Variants in RCOR1 observed in about 807,000 individuals in gnomAD.
The protein encoded by RCOR1 is REST corepressor.
In RCOR1, 12 loss-of-function variants were observed where a neutral mutation model predicts 64.0. The observed-to-expected ratio is 0.19, with a 90% CI of 0.12 to 0.30. RCOR1 has a LOEUF of 0.30. RCOR1 is among the 10% of genes least tolerant of loss of function. The probability of loss-of-function intolerance (pLI) is 1.00; values close to 1 mark genes in which losing one functional copy is unlikely to be tolerated. For missense variants in RCOR1, 502 were observed against 621.2 expected (o/e 0.81, Z 2.04); for synonymous variants, 279 against 227.2 (o/e 1.23, Z -2.05).
chr14:102,675,390 C>T (rs1482468925), intron 2 of RCOR1, among the ~76,000 whole-genome samples: 2 of 152,092 alleles, frequency 1.3e-5, no homozygotes, highest in Admixed American at 6.6e-5. Context: ...AAGTTAGACA[C>T]ACTGAGAGAT....
chr14:102,634,099 T>A (rs1256046595), intron 2 of RCOR1, among the ~76,000 whole-genome samples: 1 of 152,080 alleles, frequency 6.6e-6, no homozygotes, highest in African/African-American at 2.4e-5. Context: ...AGGATGTGGT[T>A]AGATGGAGTA....
chr14:102,715,017 C>T (rs1446364616), intron 8 of RCOR1, among the ~76,000 whole-genome samples: 1 of 151,708 alleles, frequency 6.6e-6, no homozygotes, highest in African/African-American at 2.4e-5. Context: ...ATTCCCTCAG[C>T]AACTCCACCC....
At chr14:102,593,241 C>G in intron 1 of RCOR1, 25 bp from the exon 2 acceptor site, 1 of 1,498,190 alleles carries the variant, frequency 6.7e-7, no homozygotes, top group Non-Finnish European at 8.9e-7. Context: ...GCCGCGCTGA[C>G]CGCCGTATTC....
intron 3 of RCOR1, among the ~76,000 whole-genome samples, chr14:102,687,290 T>C (rs1895441488): frequency 6.6e-6 from 1 of 151,942 alleles, no homozygotes; most frequent in South Asian, 2.1e-4. Context: ...AGAAGTAAAG[T>C]CAAGTGTTTA....
intron 2 of RCOR1, among the ~76,000 whole-genome samples, chr14:102,602,421 G>T (rs1893423189): frequency 1.9e-5 from 2 of 106,914 alleles, no homozygotes; most frequent in African/African-American, 3.5e-5. Context: ...TTTGGAGATG[G>T]AGTTTCGCTC....
At chr14:102,652,633 G>A (rs1292289543) in intron 2 of RCOR1, among the ~76,000 whole-genome samples, 6 of 152,068 alleles carry the variant, frequency 3.9e-5, no homozygotes, top group Non-Finnish European at 8.8e-5. Flanking sequence ...TCTAATTTGG[G>A]TGAAAATTCT....
At position 102,698,306 on chromosome 14, in the gene RCOR1, A is replaced by G. The variant is rs138639689; in HGVS notation, c.446-2972A>G. On this transcript the variant is annotated intron_variant, in intron 3 of 11. Transcript: ENST00000262241. ...TTACAGGCCTTGTTACTGATGTAGC[A>G]GGAGGGACTCTGAGCAGATAACATA... 5.9e-5 allele frequency among the ~76,000 whole-genome samples: 9 copies of G among 152,326 alleles called. No homozygotes were observed. The East Asian group carries it at 1.7e-3, about 29-fold the overall frequency.
intron 2 of RCOR1, among the ~76,000 whole-genome samples, chr14:102,607,568 G>GA (rs1383603035): frequency 2.0e-5 from 3 of 151,852 alleles, no homozygotes; most frequent in African/African-American, 7.3e-5. Flanking sequence ...CCAATATGGT[G>GA]AAAACCTGTC....
chr14:102,663,161 C>T (rs1388598476), intron 2 of RCOR1, among the ~76,000 whole-genome samples: 1 of 152,232 alleles, frequency 6.6e-6, no homozygotes, highest in Non-Finnish European at 1.5e-5. Context: ...AAGTGCTCCT[C>T]TCTGCCTGCT....
At chr14:102,616,246 G>A (rs970873247) in intron 2 of RCOR1, among the ~76,000 whole-genome samples, 56 of 108,476 alleles carry the variant, frequency 5.2e-4, no homozygotes, top group Admixed American at 8.5e-4. Flanking sequence ...GTGTGTGTGT[G>A]TGTATGTGTG....
intron 2 of RCOR1, among the ~76,000 whole-genome samples, chr14:102,598,488 T>A (rs956212632): frequency 2.7e-5 from 4 of 148,814 alleles, no homozygotes; most frequent in African/African-American, 9.9e-5. Flanking sequence ...CGCTCTGTTG[T>A]CCAGGCTGGA....
At chr14:102,607,575 T>C (rs967222623) in intron 2 of RCOR1, among the ~76,000 whole-genome samples, 3 of 151,784 alleles carry the variant, frequency 2.0e-5, no homozygotes, top group Non-Finnish European at 2.9e-5. Flanking sequence ...GGTGAAAACC[T>C]GTCTCTACTA....
At chr14:102,657,641 C>T (rs1408027158) in intron 2 of RCOR1, 2 of 582,908 alleles carry the variant, frequency 3.4e-6, no homozygotes, top group Non-Finnish European at 4.3e-6. Flanking sequence ...AGTTCGAGAC[C>T]AGCCTGGCTA....
intron 2 of RCOR1, among the ~76,000 whole-genome samples, chr14:102,627,830 C>T (rs1469442670): frequency 1.3e-5 from 2 of 152,044 alleles, no homozygotes; most frequent in African/African-American, 4.8e-5. Context: ...TTGCTAAATC[C>T]AGCAATCTGT....
intron 4 of RCOR1, 103 bp downstream of exon 4, chr14:102,701,433 T>G: frequency 1.2e-6 from 1 of 862,354 alleles, no homozygotes; most frequent in South Asian, 2.0e-5. Context: ...GTTTCTTCAT[T>G]AGCAACTTTT....
rs1755863747 is a variant in RCOR1, at chr14:102,652,025, GTTTTAT to G, written c.362-29865_362-29860del. ...AGAATAAGTAGAAATTGCTAGGAAT[GTTTTAT>G]TTTTGTTTATTTAATTTGCTAAATC... On this transcript the variant is annotated intron_variant, in intron 2 of 11. Coordinates refer to ENST00000262241, the MANE Select transcript of RCOR1 (RefSeq NM_015156.4). Among the ~76,000 whole-genome samples, 3 of 152,254 alleles carry G rather than the reference GTTTTAT, an allele frequency of 2.0e-5. No individual in the cohort carries two copies. The South Asian group carries it at 6.2e-4, about 32-fold the overall frequency.
intron 2 of RCOR1, 74 bp downstream of exon 2, chr14:102,593,399 G>A: frequency 7.1e-7 from 1 of 1,403,302 alleles, no homozygotes; most frequent in Non-Finnish European, 9.3e-7. Flanking sequence ...CCGAGGGGGC[G>A]GGAGCCCGCC....
intron 3 of RCOR1, among the ~76,000 whole-genome samples, chr14:102,694,755 T>C (rs1034876281): frequency 3.9e-5 from 6 of 152,240 alleles, no homozygotes; most frequent in African/African-American, 7.2e-5. Flanking sequence ...ATTGCTTTAC[T>C]TAAATGATTT....
At chr14:102,685,048 A>T (rs369453268) in intron 3 of RCOR1, among the ~76,000 whole-genome samples, 1 of 148,680 alleles carries the variant, frequency 6.7e-6, no homozygotes, top group African/African-American at 2.5e-5. Context: ...ATGTCTGGAG[A>T]TCCCTGGCTT....
Sources: gnomAD v4.1 joint callset for allele counts (sites outside exome capture counted in the v4.1 genomes callset) on GRCh38, gnomAD v4.1.1 for gene constraint, MANE v1.5 for transcripts, NCBI Gene and HGNC (gene_info 2026-07-23, HGNC 2026-07-21) for gene names.